The following ABCA8 variants were observed in gnomAD, a reference collection of about 807,000 sequenced individuals.
ABCA8 encodes ABC-type organic anion transporter ABCA8.
ABCA8 carries 177 observed loss-of-function variants against 192.3 expected under a neutral mutation model. The observed-to-expected ratio is 0.92, with a 90% CI of 0.81 to 1.04. The LOEUF is 1.04. Among genes scored for constraint, ABCA8 ranks in the 50% least tolerant of loss-of-function variants. The pLI is 0.00. For synonymous variants in ABCA8, 642 were observed against 690.2 expected (o/e 0.93, Z 1.09); for missense variants, 1,915 against 1,904.8 (o/e 1.01, Z -0.10).
At chr17:68,912,449 A>G (rs1227643040) in intron 17 of ABCA8, among the ~76,000 whole-genome samples, 1 of 152,160 alleles carries the variant, frequency 6.6e-6, no homozygotes, top group Non-Finnish European at 1.5e-5. Flanking sequence ...TACAAGATCT[A>G]AAAAAGAGCC....
chr17:68,895,038 G>T, intron 21 of ABCA8, 25 bp from the exon 22 acceptor site: 2 of 1,549,832 alleles, frequency 1.3e-6, no homozygotes, highest in South Asian at 2.6e-5. Flanking sequence ...AAGATATTAG[G>T]TATCACAAAA....
intron 17 of ABCA8, among the ~76,000 whole-genome samples, chr17:68,908,404 A>T (rs1435496014): frequency 6.6e-6 from 1 of 152,218 alleles, no homozygotes; most frequent in African/African-American, 2.4e-5. Flanking sequence ...TGTGACAAAC[A>T]TCATACTTAG....
rs1475184182 is a variant in ABCA8 at position 68,941,959 on chromosome 17, T to C, written c.76A>G (p.Met26Val). 1 of 1,611,116 alleles carries C rather than the reference T, an allele frequency of 6.2e-7. No homozygotes were observed. The highest frequency in any genetic ancestry group is 8.5e-7 in the Non-Finnish European group (1 of 1,177,518). Residue 26 changes from methionine (M) to valine (V), a missense_variant, in exon 3 of 40, where the codon ATG (methionine) becomes GTG (valine). Coordinates refer to ENST00000586539, the MANE Select transcript of ABCA8 (RefSeq NM_001288985.2). ...LCKNFLKKWR[M>V]KRESLMEWLN... ...CATACCATTAAGGACTCTCTTTTCA[T>C]TCTCCATTTTTTAAGAAAGTTCTTG...
At chr17:68,883,715 A>C in intron 29 of ABCA8, 76 bp downstream of exon 29, 1 of 960,408 alleles carries the variant, frequency 1.0e-6, no homozygotes, top group Non-Finnish European at 1.6e-6. Flanking sequence ...CCTCTTTGTT[A>C]ATGAATTGAT....
intron 24 of ABCA8, among the ~76,000 whole-genome samples, chr17:68,887,790 CA>C (rs563752313): frequency 1.9e-3 from 286 of 149,522 alleles, no homozygotes; most frequent in African/African-American, 6.7e-3. Flanking sequence ...TAATGACTTA[CA>C]GGTGGGTAGG....
chr17:68,944,321 T>C (rs1264917852), intron 2 of ABCA8, among the ~76,000 whole-genome samples: 1 of 40,964 alleles, frequency 2.4e-5, no homozygotes, highest in East Asian at 6.3e-4. Flanking sequence ...TAAAGTTATA[T>C]ATATATATAT....
At position 68,949,489 on chromosome 17, in the gene ABCA8, A is replaced by C. The variant is rs1454631917; in HGVS notation, c.-166-17T>G. The stretch of plus-strand genomic sequence containing the variant: ...TACCAAAACCTGGCAGAGACACAAC[A>C]AAAAAGGAAAATTTCAGGCCAATAT... On this transcript the variant is annotated splice_polypyrimidine_tract_variant and intron_variant, in intron 1 of 39. Coordinates refer to ENST00000586539, the MANE Select transcript of ABCA8 (RefSeq NM_001288985.2). The C allele has an allele frequency of 6.6e-6, 1 of 152,122 alleles. No homozygotes were observed. The highest frequency in any genetic ancestry group is 1.9e-4 in the East Asian group (1 of 5,200). The allele number at this position is 152,122 out of a possible 1,614,324, so 9.4% of individuals were successfully genotyped here.
Position 68,921,361 on chromosome 17 carries a change from AG to A in ABCA8, c.1612+20del, listed in dbSNP as rs532614798. On this transcript the variant is annotated intron_variant, in intron 13 of 39. Transcript: ENST00000586539. ...AACTTAAAGTATAATTTAAAAAAAA[AG>A]AAAACAAACTAGTTTGTACCTTTGG... 2,469 of 1,556,408 alleles carry A rather than the reference AG, an allele frequency of 1.6e-3. 5 individuals are homozygous for A. The highest frequency in any genetic ancestry group is 9.0e-3 in the South Asian group (771 of 85,478).
At chr17:68,928,409 T>C (rs1357093984) in intron 9 of ABCA8, among the ~76,000 whole-genome samples, 2 of 152,190 alleles carry the variant, frequency 1.3e-5, no homozygotes, top group African/African-American at 2.4e-5. Flanking sequence ...TCCATGTAAA[T>C]TGGCGGCATG....
In ABCA8 at chr17:68,885,234, G is replaced by A. The variant is rs766842685; in HGVS notation, c.3511C>T (p.Pro1171Ser). 10 of 1,613,682 alleles carry A rather than the reference G, an allele frequency of 6.2e-6. No individual in the cohort carries two copies. In the South Asian group the frequency reaches 1.1e-4, roughly 18 times the overall value. Residue 1171 changes from proline (P) to serine (S), a missense_variant, in exon 27 of 40, where the codon CCT (proline) becomes TCT (serine). Coordinates refer to ENST00000586539, the MANE Select transcript of ABCA8 (RefSeq NM_001288985.2). ...IPFIFTFLIP[P>S]ATMIGCLFLS... ...AACAAACAGCCAATCATTGTGGCAG[G>A]TGGTATTAAAAAAGTGAAGATAAAT...
chr17:68,950,762 C>T (rs73998581), intron 1 of ABCA8, among the ~76,000 whole-genome samples: 15 of 152,240 alleles, frequency 9.9e-5, no homozygotes, highest in African/African-American at 3.6e-4. Flanking sequence ...CTAATGTTAG[C>T]AGAGTGGCTG....
At chr17:68,944,327 T>TAC (rs2068325391) in intron 2 of ABCA8, among the ~76,000 whole-genome samples, 1 of 53,628 alleles carries the variant, frequency 1.9e-5, no homozygotes, top group African/African-American at 1.0e-4. Context: ...TATATATATA[T>TAC]ATATATATAT....
intron 37 of ABCA8, among the ~76,000 whole-genome samples, chr17:68,872,602 T>TA (rs541108539): frequency 3.3e-5 from 5 of 149,460 alleles, no homozygotes; most frequent in South Asian, 2.1e-4. Flanking sequence ...AAATAAAAAA[T>TA]AAAAAAAATA....
chr17:68,935,594 T>G (rs1164649239), intron 5 of ABCA8, among the ~76,000 whole-genome samples: 1 of 136,524 alleles, frequency 7.3e-6, no homozygotes, highest in Non-Finnish European at 1.6e-5. Flanking sequence ...AGCCCTCTGT[T>G]GATGGACACT....
intron 26 of ABCA8, among the ~76,000 whole-genome samples, chr17:68,886,526 T>C (rs1174109819): frequency 6.6e-6 from 1 of 152,224 alleles, no homozygotes; most frequent in Non-Finnish European, 1.5e-5. Context: ...CTGTTTTTCA[T>C]GGACCTCTTT....
chr17:68,930,411 C>T (rs1437341951), intron 7 of ABCA8, among the ~76,000 whole-genome samples: 1 of 152,124 alleles, frequency 6.6e-6, no homozygotes, highest in African/African-American at 2.4e-5. Context: ...TTTTGAATCC[C>T]ATTCTTTTAT....
intron 37 of ABCA8, among the ~76,000 whole-genome samples, chr17:68,874,282 A>T (rs2066145317): frequency 6.6e-6 from 1 of 152,220 alleles, no homozygotes; most frequent in South Asian, 2.1e-4. Flanking sequence ...TATTTCCCAC[A>T]AGTCACATAT....
chr17:68,946,933 T>G (rs1183114498), intron 2 of ABCA8, among the ~76,000 whole-genome samples: 1 of 145,214 alleles, frequency 6.9e-6, no homozygotes, highest in East Asian at 2.0e-4. Flanking sequence ...AGAGTGAGAC[T>G]CCATCAAAAG....
At chr17:68,887,194 T>G (rs1173420499) in intron 25 of ABCA8, 64 bp from the exon 26 acceptor site, 1 of 1,390,484 alleles carries the variant, frequency 7.2e-7, no homozygotes, top group Non-Finnish European at 9.8e-7. Flanking sequence ...ATATTTAGGA[T>G]TCAAAACATT....
Sources: gnomAD v4.1 joint callset for allele counts (sites outside exome capture counted in the v4.1 genomes callset) on GRCh38, gnomAD v4.1.1 for gene constraint, MANE v1.5 for transcripts, NCBI Gene and HGNC (gene_info 2026-07-23, HGNC 2026-07-21) for gene names.